Variants in SAMD12 observed in about 807,000 individuals in gnomAD.
SAMD12 encodes the protein sterile alpha motif domain-containing protein 12.
A neutral mutation model predicts 15.0 loss-of-function variants in SAMD12; 9 were observed. The ratio of observed to expected loss-of-function variants is 0.60; its 90% CI spans 0.36 to 1.05. SAMD12 has a LOEUF of 1.05. Among genes scored for constraint, SAMD12 ranks in the 50% least tolerant of loss-of-function variants. SAMD12 has a pLI of 0.01. For synonymous variants in SAMD12, 86 were observed against 90.1 expected (o/e 0.96, Z 0.25); for missense variants, 230 against 234.2 (o/e 0.98, Z 0.12).
At chr8:118,614,205 T>C (rs768546213) in intron 1 of SAMD12, among the ~76,000 whole-genome samples, 1 of 152,194 alleles carries the variant, frequency 6.6e-6, no homozygotes, top group African/African-American at 2.4e-5. Context: ...ATCACTATCA[T>C]CTTGTCTAAC....
intron 1 of SAMD12, among the ~76,000 whole-genome samples, chr8:118,598,644 C>T (rs1307243339): frequency 6.6e-6 from 1 of 152,208 alleles, no homozygotes; most frequent in African/African-American, 2.4e-5. Flanking sequence ...TTACATAAAT[C>T]ACTTCATTTA....
chr8:118,544,875 G>A (rs1020768749), intron 2 of SAMD12, among the ~76,000 whole-genome samples: 5 of 152,206 alleles, frequency 3.3e-5, no homozygotes, highest in Non-Finnish European at 7.3e-5. Context: ...CATTCTATGT[G>A]CCAGGCATTG....
intron 4 of SAMD12, among the ~76,000 whole-genome samples, chr8:118,312,495 T>C (rs1199681699): frequency 1.3e-5 from 2 of 152,350 alleles, no homozygotes; most frequent in Admixed American, 6.5e-5. Flanking sequence ...TTTTGTTCTG[T>C]TGTCTAAACT....
intron 4 of SAMD12, among the ~76,000 whole-genome samples, chr8:118,305,139 CCT>C (rs1815261154): frequency 9.2e-6 from 1 of 108,464 alleles, no homozygotes; most frequent in Non-Finnish European, 1.7e-5. Context: ...AAAGTGACTC[CCT>C]GTCAAAAAAA....
At chr8:118,404,584 T>G (rs1821035385) in intron 3 of SAMD12, among the ~76,000 whole-genome samples, 1 of 152,212 alleles carries the variant, frequency 6.6e-6, no homozygotes, top group South Asian at 2.1e-4. Flanking sequence ...GTTTGTGTTA[T>G]TAAAAAGTTT....
At chr8:118,517,391 G>A (rs1825273405) in intron 2 of SAMD12, among the ~76,000 whole-genome samples, 1 of 152,188 alleles carries the variant, frequency 6.6e-6, no homozygotes, top group Admixed American at 6.5e-5. Flanking sequence ...AATGGGGATA[G>A]TAAAAGTACC....
At chr8:118,467,336 C>G (rs1222682875) in intron 2 of SAMD12, among the ~76,000 whole-genome samples, 1 of 152,202 alleles carries the variant, frequency 6.6e-6, no homozygotes, top group Non-Finnish European at 1.5e-5. Flanking sequence ...ATTGTGCTAT[C>G]TCATAGGATT....
chr8:118,385,319 C>A (rs1021173264), intron 3 of SAMD12, among the ~76,000 whole-genome samples: 1 of 152,078 alleles, frequency 6.6e-6, no homozygotes. Flanking sequence ...AAATGCTGAC[C>A]CTTTCTAGAC....
In SAMD12 at chr8:118,443,486, A is replaced by T. The variant is rs1586721626; in HGVS notation, c.193-3525T>A. On this transcript the variant is annotated intron_variant, in intron 2 of 3. Coordinates refer to ENST00000314727, the MANE Select transcript of SAMD12 (RefSeq NM_207506.3). The stretch of plus-strand genomic sequence containing the variant: ...ATAAAAAACACTGTCTCAAAAAAAA[A>T]AATTAAGATGGTATGAGCCTACAAA... Among the ~76,000 whole-genome samples, 4 of 152,142 alleles carry T rather than the reference A, an allele frequency of 2.6e-5. No homozygotes were observed. In the East Asian group the frequency reaches 7.7e-4, roughly 29 times the overall value.
At chr8:118,558,913 C>T (rs1006390705) in intron 2 of SAMD12, among the ~76,000 whole-genome samples, 66 of 152,154 alleles carry the variant, frequency 4.3e-4, no homozygotes, top group African/African-American at 1.6e-3. Context: ...CAAGTGCTAG[C>T]AAACTCATGC....
intron 4 of SAMD12, among the ~76,000 whole-genome samples, chr8:118,279,095 G>A (rs778895522): frequency 6.6e-6 from 1 of 152,164 alleles, no homozygotes; most frequent in Non-Finnish European, 1.5e-5. Flanking sequence ...TTCCCCAAAG[G>A]AGTTGAAGTT....
chr8:118,447,874 C>T (rs994713584), intron 2 of SAMD12, among the ~76,000 whole-genome samples: 8 of 151,736 alleles, frequency 5.3e-5, no homozygotes, highest in South Asian at 4.2e-4. Context: ...TACAGGAGCC[C>T]GCCACCATGC....
chr8:118,220,793 C>A (rs112978885), intron 4 of SAMD12, among the ~76,000 whole-genome samples: 6 of 152,236 alleles, frequency 3.9e-5, no homozygotes, highest in African/African-American at 1.4e-4. Context: ...AAAAAACAAA[C>A]ACATCAAGGC....
In SAMD12 at chr8:118,421,396, A is replaced by G. The variant is rs539445964; in HGVS notation, c.322+18436T>C. Among the ~76,000 whole-genome samples the G allele has an allele frequency of 3.0e-4, 45 of 152,316 alleles. 1 individual carries two copies. The highest frequency in any genetic ancestry group is 1.1e-3 in the African/African-American group (45 of 41,582). On this transcript the variant is annotated intron_variant, in intron 3 of 3. Transcript: ENST00000314727. ...ATTTTATATGGCTCAATGTAATCAT[A>G]CTTTAGCCATTTACTATTCTCATTG...
chr8:118,547,438 G>A (rs922687702), intron 2 of SAMD12, among the ~76,000 whole-genome samples: 1 of 152,070 alleles, frequency 6.6e-6, no homozygotes, highest in Admixed American at 6.6e-5. Context: ...TAAAGTATTG[G>A]GTTGTAATTA....
intron 4 of SAMD12, among the ~76,000 whole-genome samples, chr8:118,259,807 T>G (rs1487364046): frequency 1.3e-5 from 2 of 152,088 alleles, no homozygotes; most frequent in Non-Finnish European, 2.9e-5. Context: ...TGTACCTGTT[T>G]CACAAAACCA....
At chr8:118,520,207 C>T (rs980437267) in intron 2 of SAMD12, among the ~76,000 whole-genome samples, 4 of 151,784 alleles carry the variant, frequency 2.6e-5, no homozygotes, top group Non-Finnish European at 5.9e-5. Context: ...AAGTACAGTA[C>T]CTGCTTTTAG....
Position 118,621,941 on chromosome 8 carries a change from G to T in SAMD12, c.-125C>A. The T allele has an allele frequency of 8.3e-7, 1 of 1,204,864 alleles. No homozygotes were observed. The highest frequency in any genetic ancestry group is 1.2e-6 in the Non-Finnish European group (1 of 810,734). 74.6% of individuals were successfully genotyped at this position (1,204,864 alleles called of 1,614,324 possible). On this transcript the variant is annotated 5_prime_UTR_variant, in exon 1 of 4. Transcript: ENST00000314727. ...CGCTTATCTGCTCCAGGACCAACCT[G>T]CCGCGGTCACGCAAAGCGAGGCAGC...
At chr8:118,591,805 C>T (rs190767660) in intron 1 of SAMD12, among the ~76,000 whole-genome samples, 1 of 152,148 alleles carries the variant, frequency 6.6e-6, no homozygotes, top group East Asian at 1.9e-4. Flanking sequence ...GACAAGCTGA[C>T]TGCATTCTCT....
Sources: gnomAD v4.1 joint callset for allele counts (sites outside exome capture counted in the v4.1 genomes callset) on GRCh38, gnomAD v4.1.1 for gene constraint, MANE v1.5 for transcripts, NCBI Gene and HGNC (gene_info 2026-07-23, HGNC 2026-07-21) for gene names.